NRXN1: variants seen among roughly 807,000 people sequenced by gnomAD.
NRXN1 encodes the protein neurexin-1.
NRXN1 carries 39 observed loss-of-function variants against 150.9 expected under a neutral mutation model. That is an observed-to-expected ratio of 0.26 (90% CI 0.20 to 0.34). NRXN1 has a LOEUF of 0.34. Among genes scored for constraint, NRXN1 ranks in the 10% least tolerant of loss-of-function variants. The probability of loss-of-function intolerance (pLI) is 1.00; values close to 1 mark genes in which losing one functional copy is unlikely to be tolerated. For missense variants in NRXN1, 1,815 were observed against 1,949.9 expected (o/e 0.93, Z 1.30); for synonymous variants, 924 against 757.0 (o/e 1.22, Z -3.62).
chr2:50,538,101 G>A (rs2093306424), intron 10 of NRXN1, among the ~76,000 whole-genome samples, 152 bp downstream of exon 10: 1 of 152,174 alleles, frequency 6.6e-6, no homozygotes, highest in African/African-American at 2.4e-5. Context: ...GAGCTCATTA[G>A]TAATCCATGT....
At chr2:49,993,573 C>T (rs1414435830) in intron 21 of NRXN1, among the ~76,000 whole-genome samples, 1 of 152,114 alleles carries the variant, frequency 6.6e-6, no homozygotes, top group Non-Finnish European at 1.5e-5. Flanking sequence ...TCAATGCAGG[C>T]TCACCAATTG....
chr2:50,104,129 A>G (rs1701333301), intron 18 of NRXN1, among the ~76,000 whole-genome samples: 1 of 152,024 alleles, frequency 6.6e-6, no homozygotes, highest in Non-Finnish European at 1.5e-5. Flanking sequence ...TCGTGAAGCA[A>G]AAACTCATTA....
chr2:50,921,690 C>T (rs1056369679), intron 5 of NRXN1, among the ~76,000 whole-genome samples, 179 bp downstream of exon 5: 11 of 151,374 alleles, frequency 7.3e-5, no homozygotes, highest in African/African-American at 1.5e-4. Context: ...AGGGTGGGGG[C>T]GAAAATGGAA....
intron 5 of NRXN1, among the ~76,000 whole-genome samples, chr2:50,890,493 AT>A (rs946947931): frequency 6.6e-6 from 1 of 151,640 alleles, no homozygotes; most frequent in Admixed American, 6.6e-5. Context: ...TTTTACTTAG[AT>A]TTTTTTTAAT....
intron 19 of NRXN1, among the ~76,000 whole-genome samples, chr2:50,083,592 G>T (rs11892979): frequency 6.6e-6 from 1 of 151,906 alleles, no homozygotes; most frequent in Non-Finnish European, 1.5e-5. Context: ...ACACGCAAGA[G>T]GACCCCAGCA....
intron 5 of NRXN1, among the ~76,000 whole-genome samples, chr2:50,723,726 C>A (rs966045143): frequency 6.6e-6 from 1 of 152,188 alleles, no homozygotes; most frequent in African/African-American, 2.4e-5. Context: ...CCTAATGCAG[C>A]CTGGGCTGCA....
Position 50,187,236 on chromosome 2 carries a change from CAT to C in NRXN1, c.3546+49551_3546+49552del, listed in dbSNP as rs1162459369. 5.7e-4 allele frequency among the ~76,000 whole-genome samples: 87 copies of C among 152,130 alleles called. 1 individual carries two copies. The highest frequency in any genetic ancestry group is 2.0e-3 in the African/African-American group (81 of 41,520). ...ACACATCCTGAGAAACAGGAACTGT[CAT>C]AGCAGTCTTGACCACATGTTCACAT... is the stretch of plus-strand genomic sequence containing the variant. On this transcript the variant is annotated intron_variant, in intron 18 of 22. Transcript: ENST00000401669.
Position 49,921,891 on chromosome 2 carries a change from C to A in NRXN1, c.*53G>T, listed in dbSNP as rs1033246496. The A allele has an allele frequency of 6.4e-7, 1 of 1,556,612 alleles. No homozygotes were observed. The highest frequency in any genetic ancestry group is 8.8e-7 in the Non-Finnish European group (1 of 1,130,456). ...GAAAGTAAATAAGTTTATATTATGT[C>A]TCAGATAAAATGAAGACTATTTCTA... is the stretch of plus-strand genomic sequence containing the variant. On this transcript the variant is annotated 3_prime_UTR_variant, in exon 23 of 23. Transcript: ENST00000401669.
At chr2:50,559,411 C>G (rs1218896926) in intron 8 of NRXN1, among the ~76,000 whole-genome samples, 1 of 152,180 alleles carries the variant, frequency 6.6e-6, no homozygotes, top group African/African-American at 2.4e-5. Flanking sequence ...CCAATTCAAT[C>G]AGACACGCAC....
chr2:50,676,799 A>C (rs1689613707), intron 5 of NRXN1, among the ~76,000 whole-genome samples: 1 of 152,192 alleles, frequency 6.6e-6, no homozygotes, highest in Admixed American at 6.6e-5. Flanking sequence ...AAGCTTTCTG[A>C]AGTAAAGAGA....
At chr2:50,092,936 T>C (rs1250697419) in intron 18 of NRXN1, among the ~76,000 whole-genome samples, 1 of 152,190 alleles carries the variant, frequency 6.6e-6, no homozygotes, top group African/African-American at 2.4e-5. Context: ...TAACACTATA[T>C]ACATGTTTGT....
At chr2:49,945,659 T>C (rs1341696154) in intron 21 of NRXN1, among the ~76,000 whole-genome samples, 2 of 152,124 alleles carry the variant, frequency 1.3e-5, no homozygotes, top group Non-Finnish European at 2.9e-5. Flanking sequence ...GTTCCTCTGA[T>C]AGTTTGCTGA....
At chr2:50,821,645 T>G (rs1488615375) in intron 5 of NRXN1, among the ~76,000 whole-genome samples, 1 of 152,196 alleles carries the variant, frequency 6.6e-6, no homozygotes, top group Admixed American at 6.5e-5. Flanking sequence ...CTAGAGAGGG[T>G]TACATGCTGA....
At chr2:50,669,165 T>C (rs1688481163) in intron 5 of NRXN1, among the ~76,000 whole-genome samples, 1 of 151,964 alleles carries the variant, frequency 6.6e-6, no homozygotes, top group Admixed American at 6.6e-5. Flanking sequence ...ATTTAAGCTC[T>C]GAGCATGTAG....
chr2:50,267,598 A>T (rs1386268982), intron 17 of NRXN1, among the ~76,000 whole-genome samples: 1 of 152,156 alleles, frequency 6.6e-6, no homozygotes, highest in Non-Finnish European at 1.5e-5. Flanking sequence ...TTAAATTACC[A>T]CAACATTGTC....
chr2:49,934,527 T>G (rs1572918250), intron 22 of NRXN1, among the ~76,000 whole-genome samples: 1 of 152,330 alleles, frequency 6.6e-6, no homozygotes, highest in Admixed American at 6.5e-5. Flanking sequence ...AATTTTCTTT[T>G]GTTGGGAAAA....
At position 49,921,939 on chromosome 2, in the gene NRXN1, T is replaced by C; in HGVS notation, c.*5A>G. The stretch of plus-strand genomic sequence containing the variant: ...CTATACAAGTGTCCATTTAAGATCT[T>C]GGGATCAGACATAATACTCTTTATC... On this transcript the variant is annotated 3_prime_UTR_variant, in exon 23 of 23. Coordinates refer to ENST00000401669, the MANE Select transcript of NRXN1 (RefSeq NM_001330078.2). The C allele has an allele frequency of 6.2e-7, 1 of 1,613,772 alleles. No homozygotes were observed. The highest frequency in any genetic ancestry group is 8.5e-7 in the Non-Finnish European group (1 of 1,179,652).
At chr2:50,564,891 G>A (rs541687223) in intron 8 of NRXN1, among the ~76,000 whole-genome samples, 1 of 152,244 alleles carries the variant, frequency 6.6e-6, no homozygotes, top group East Asian at 1.9e-4. Flanking sequence ...TTAGTTAACT[G>A]TTTATTTAAT....
At chr2:50,992,050 T>C (rs1020620227) in intron 2 of NRXN1, among the ~76,000 whole-genome samples, 2 of 152,140 alleles carry the variant, frequency 1.3e-5, no homozygotes, top group East Asian at 1.9e-4. Context: ...TATAAAACTT[T>C]AGAAGCCACC....
Sources: allele counts gnomAD v4.1 joint callset (sites outside exome capture counted in the v4.1 genomes callset), GRCh38; gene constraint gnomAD v4.1.1; transcripts MANE v1.5; gene names NCBI Gene and HGNC (gene_info 2026-07-23, HGNC 2026-07-21).